DOCK9: variants seen among roughly 807,000 people sequenced by gnomAD.
DOCK9 encodes dedicator of cytokinesis protein 9.
DOCK9 carries 89 observed loss-of-function variants against 263.3 expected under a neutral mutation model. The ratio of observed to expected loss-of-function variants is 0.34; its 90% CI spans 0.28 to 0.40. The LOEUF is 0.40. DOCK9 is among the 10% of genes least tolerant of loss of function. The pLI is 1.00. For missense variants in DOCK9, 2,140 were observed against 2,603.4 expected (o/e 0.82, Z 3.87); for synonymous variants, 976 against 973.1 (o/e 1.00, Z -0.06).
At chr13:99,024,613 T>C (rs952517878) in intron 1 of DOCK9, among the ~76,000 whole-genome samples, 3 of 152,218 alleles carry the variant, frequency 2.0e-5, no homozygotes, top group African/African-American at 7.2e-5. Context: ...AGTCTTTTAC[T>C]GTCATTGTGG....
In DOCK9 at chr13:98,820,921, G is replaced by A. The variant is rs376761801; in HGVS notation, c.5130+3477C>T. On this transcript the variant is annotated intron_variant, in intron 45 of 52. Coordinates refer to ENST00000682017, the MANE Select transcript of DOCK9 (RefSeq NM_001366683.2). ...GAGTCAGTCTGGTTTGAACACCTCT[G>A]ACAATGGGATGAGAGCTGCAACAAG... Among the ~76,000 whole-genome samples the A allele has an allele frequency of 8.4e-4, 128 of 152,324 alleles. 1 individual carries two copies. Among genetic ancestry groups the A allele is most frequent in the South Asian group, 6.8e-3 (33 of 4,824 alleles).
intron 43 of DOCK9, among the ~76,000 whole-genome samples, chr13:98,828,260 G>C (rs547380277): frequency 6.6e-6 from 1 of 152,350 alleles, no homozygotes; most frequent in East Asian, 1.9e-4. Flanking sequence ...AAGCCACTCA[G>C]TCTGGGTACT....
At chr13:98,861,207 C>G (rs2093859417) in intron 32 of DOCK9, among the ~76,000 whole-genome samples, 1 of 152,138 alleles carries the variant, frequency 6.6e-6, no homozygotes, top group African/African-American at 2.4e-5. Context: ...AGTTCATGCC[C>G]TTTAGAGCAG....
At chr13:98,945,674 T>C (rs549863776) in intron 2 of DOCK9, among the ~76,000 whole-genome samples, 1 of 152,354 alleles carries the variant, frequency 6.6e-6, no homozygotes, top group Admixed American at 6.5e-5. Context: ...ACAAGGCTAA[T>C]TGTTTTCACT....
intron 1 of DOCK9, among the ~76,000 whole-genome samples, chr13:99,066,110 T>A (rs553758028): frequency 1.3e-5 from 2 of 152,110 alleles, no homozygotes; most frequent in African/African-American, 4.8e-5. Context: ...TAAACAAAGA[T>A]CAAGGCTAAC....
At chr13:98,909,226 G>A (rs2049614346) in intron 9 of DOCK9, among the ~76,000 whole-genome samples, 1 of 152,138 alleles carries the variant, frequency 6.6e-6, no homozygotes, top group African/African-American at 2.4e-5. Context: ...TCTAAACCAA[G>A]GGCGATTCCC....
At chr13:98,840,619 G>T (rs189358520) in intron 38 of DOCK9, among the ~76,000 whole-genome samples, 3 of 151,964 alleles carry the variant, frequency 2.0e-5, no homozygotes. Context: ...CTGACACATC[G>T]GCGAACCTCC....
chr13:98,854,405 CGTGTGT>C (rs147677943), intron 34 of DOCK9: 4 of 149,658 alleles, frequency 2.7e-5, no homozygotes, highest in East Asian at 2.0e-4. Context: ...AAAAATTATG[CGTGTGT>C]GTGTGTGTGT....
chr13:98,962,633 G>T (rs2058759437), intron 1 of DOCK9, among the ~76,000 whole-genome samples: 1 of 145,234 alleles, frequency 6.9e-6, no homozygotes, highest in African/African-American at 2.5e-5. Context: ...TGCATGATAG[G>T]TTTTAAAAAA....
At chr13:98,942,277 C>T (rs1179219682) in intron 2 of DOCK9, among the ~76,000 whole-genome samples, 3 of 149,500 alleles carry the variant, frequency 2.0e-5, no homozygotes, top group Non-Finnish European at 3.0e-5. Context: ...TCGCTCTGTC[C>T]CCCTAGGCTG....
chr13:98,946,350 CAG>C (rs1473183833), intron 2 of DOCK9, among the ~76,000 whole-genome samples: 2 of 152,236 alleles, frequency 1.3e-5, no homozygotes, highest in Admixed American at 1.3e-4. Context: ...ATGGTTCCAA[CAG>C]GGGGAGAACA....
At chr13:98,940,522 C>T (rs1421245802) in intron 2 of DOCK9, among the ~76,000 whole-genome samples, 1 of 152,136 alleles carries the variant, frequency 6.6e-6, no homozygotes, top group South Asian at 2.1e-4. Context: ...CCGTGGCCCC[C>T]CAAAGTGCTA....
At chr13:98,920,046 T>C (rs2051655057) in intron 7 of DOCK9, among the ~76,000 whole-genome samples, 1 of 152,148 alleles carries the variant, frequency 6.6e-6, no homozygotes, top group South Asian at 2.1e-4. Flanking sequence ...GATGGATGGA[T>C]GGATGGACAG....
At chr13:99,061,732 T>A (rs1351978334) in intron 1 of DOCK9, among the ~76,000 whole-genome samples, 4 of 152,074 alleles carry the variant, frequency 2.6e-5, no homozygotes, top group African/African-American at 7.2e-5. Context: ...TCTCACCACA[T>A]CACTCTCATT....
chr13:98,862,179 C>T (rs2093892253), intron 32 of DOCK9, among the ~76,000 whole-genome samples: 1 of 152,154 alleles, frequency 6.6e-6, no homozygotes, highest in Admixed American at 6.5e-5. Flanking sequence ...CTGACCCCAT[C>T]TTAGCCAGAA....
chr13:98,817,039 G>A (rs561756610), intron 45 of DOCK9, among the ~76,000 whole-genome samples: 1 of 152,122 alleles, frequency 6.6e-6, no homozygotes, highest in African/African-American at 2.4e-5. Flanking sequence ...AGACAATAAG[G>A]TATTATATAA....
At chr13:98,802,153 C>T (rs1193028801) in intron 49 of DOCK9, among the ~76,000 whole-genome samples, 1 of 152,138 alleles carries the variant, frequency 6.6e-6, no homozygotes, top group Non-Finnish European at 1.5e-5. Context: ...AGGTCAACTC[C>T]AGGTTCCCAG....
intron 13 of DOCK9, 70 bp from the exon 14 acceptor site, chr13:98,898,331 C>A: frequency 1.7e-6 from 2 of 1,174,998 alleles, no homozygotes; most frequent in East Asian, 4.9e-5. Flanking sequence ...CAAGAGCCAT[C>A]CTTACATGCT....
Position 98,922,164 on chromosome 13 carries a change from C to A in DOCK9, c.487-18G>T. The A allele has an allele frequency of 6.4e-7, 1 of 1,556,650 alleles. No homozygotes were observed. Among genetic ancestry groups the A allele is most frequent in the South Asian group, 1.2e-5 (1 of 84,948 alleles). ...GCAGCATCCTAGGAGAGAAGGAAAA[C>A]ACCAGCAGTCAACCTCCCGTTATTA... On this transcript the variant is annotated intron_variant, in intron 5 of 52. Coordinates refer to ENST00000682017, the MANE Select transcript of DOCK9 (RefSeq NM_001366683.2).
Sources: allele counts gnomAD v4.1 joint callset (sites outside exome capture counted in the v4.1 genomes callset), GRCh38; gene constraint gnomAD v4.1.1; transcripts MANE v1.5; gene names NCBI Gene and HGNC (gene_info 2026-07-23, HGNC 2026-07-21).